The following FAM133A variants were observed in gnomAD, a reference collection of about 807,000 sequenced individuals.
The protein encoded by FAM133A is family with sequence similarity 133 member A.
For missense variants in FAM133A, 159 were observed against 164.4 expected (o/e 0.97, Z 0.18); for synonymous variants, 65 against 58.6 (o/e 1.11, Z -0.50).
At chrX:93,677,152 T>G (rs1924768261) in intron 2 of FAM133A, among the ~76,000 whole-genome samples, 1 of 110,387 alleles carries the variant, frequency 9.1e-6, no homozygotes, top group African/African-American at 3.3e-5. Context: ...TAACATGATT[T>G]TTTGGCGGGG....
chrX:93,682,760 C>T (rs185133855), intron 2 of FAM133A, among the ~76,000 whole-genome samples: 1 of 110,523 alleles, frequency 9.0e-6, no homozygotes, highest in Admixed American at 9.7e-5. Flanking sequence ...GGATTACAGG[C>T]GTTCACCACC....
chrX:93,707,787 A>G (rs1194679667), intron 3 of FAM133A, among the ~76,000 whole-genome samples: 1 of 111,303 alleles, frequency 9.0e-6, no homozygotes, highest in African/African-American at 3.3e-5. Flanking sequence ...CCATCCATCC[A>G]TCCATGCATT....
At chrX:93,675,508 A>G (rs1474263032) in intron 2 of FAM133A, among the ~76,000 whole-genome samples, 1 of 111,295 alleles carries the variant, frequency 9.0e-6, no homozygotes, top group Non-Finnish European at 1.9e-5. Flanking sequence ...CCCCTTAAAT[A>G]CATACTATTT....
rs1927304301 is a variant in FAM133A at position 93,709,866 on chromosome X, A to C, written c.447A>C (p.Ser149=). The change falls in exon 4 of 4, where the codon TCA becomes TCC. Residue 149 remains serine (S), a synonymous_variant. Coordinates refer to ENST00000683942, the MANE Select transcript of FAM133A (RefSeq NM_001171109.2). ...CATCCCAAAGCTCTACGCATGAATC[A>C]GAATCAGAGAGCAAGGAGTCTGTAA... The part of the protein sequence containing the change: ...YKSSQSSTHE[S]ESESKESVKK... 1 of 1,200,187 alleles carries C rather than the reference A, an allele frequency of 8.3e-7. No individual in the cohort carries two copies. The highest frequency in any genetic ancestry group is 2.2e-5 in the Admixed American group (1 of 44,612).
chrX:93,695,442 T>C (rs1471479041), intron 2 of FAM133A, among the ~76,000 whole-genome samples: 17 of 105,341 alleles, frequency 1.6e-4, no homozygotes, highest in Non-Finnish European at 2.0e-5. Context: ...TTAGTAGAGA[T>C]GGGTTTCACC....
rs1225023196 is a variant in FAM133A, at chrX:93,709,959, A to G, written c.540A>G (p.Arg180=). Residue 180 remains arginine (R), a synonymous_variant, in exon 4 of 4, where the codon AGA becomes AGG. Coordinates refer to ENST00000683942, the MANE Select transcript of FAM133A (RefSeq NM_001171109.2). ...EKDVRSLSKK[R]KKSYPDDKPL... is the part of the protein sequence containing the mutation. ...ATGTAAGAAGCCTCAGCAAAAAAAG[A>G]AAGAAAAGTTACCCTGATGATAAAC... The G allele has an allele frequency of 1.7e-6, 2 of 1,189,897 alleles. No homozygotes were observed. Among genetic ancestry groups the G allele is most frequent in the South Asian group, 1.9e-5 (1 of 52,577 alleles).
intron 2 of FAM133A, among the ~76,000 whole-genome samples, chrX:93,694,139 G>A (rs187470689): frequency 2.6e-3 from 285 of 110,697 alleles, no homozygotes; most frequent in African/African-American, 9.0e-3. Flanking sequence ...GCAAAATGCA[G>A]ATGAAAAATG....
At chrX:93,689,890 C>T (rs1200088242) in intron 2 of FAM133A, among the ~76,000 whole-genome samples, 1 of 110,817 alleles carries the variant, frequency 9.0e-6, no homozygotes, top group Admixed American at 9.7e-5. Context: ...GATAAGGAGA[C>T]TGAAAACAAC....
chrX:93,698,658 T>C (rs1926478077), intron 3 of FAM133A, among the ~76,000 whole-genome samples, 173 bp downstream of exon 3: 1 of 111,684 alleles, frequency 9.0e-6, no homozygotes, highest in Admixed American at 9.5e-5. Context: ...TTGTTATGAG[T>C]TCAAGAGAGA....
At chrX:93,683,980 T>C (rs1478879212) in intron 2 of FAM133A, among the ~76,000 whole-genome samples, 1 of 112,094 alleles carries the variant, frequency 8.9e-6, no homozygotes, top group Admixed American at 9.5e-5. Flanking sequence ...ATTGTTTCCT[T>C]TGCTGTGCAT....
At position 93,693,986 on chromosome X, in the gene FAM133A, C is replaced by A. The variant is rs12844931; in HGVS notation, c.-192-4411C>A. ...ACAATAAAACACCTGTATTTTAGACCTTTTACAAAACCCAAGGTATATTTT... is the reference window on the plus strand; with the variant it reads ...ACAATAAAACACCTGTATTTTAGACATTTTACAAAACCCAAGGTATATTTT... On this transcript the variant is annotated intron_variant, in intron 2 of 3. Coordinates refer to ENST00000683942, the MANE Select transcript of FAM133A (RefSeq NM_001171109.2). Among the ~76,000 whole-genome samples, 474 of 109,738 alleles carry A rather than the reference C, an allele frequency of 4.3e-3. 2 individuals are homozygous for A. The highest frequency in any genetic ancestry group is 0.021 in the South Asian group (54 of 2,574).
intron 3 of FAM133A, among the ~76,000 whole-genome samples, chrX:93,702,856 A>AC (rs1926803768): frequency 9.5e-6 from 1 of 104,917 alleles, no homozygotes; most frequent in East Asian, 3.0e-4. Context: ...AAAAAAAAAA[A>AC]AAAAAAAAAA....
intron 2 of FAM133A, among the ~76,000 whole-genome samples, chrX:93,681,630 T>C (rs1173529343): frequency 8.9e-6 from 1 of 111,754 alleles, no homozygotes; most frequent in African/African-American, 3.2e-5. Flanking sequence ...TTGTTGCTTT[T>C]GGTTAAAAAA....
intron 2 of FAM133A, among the ~76,000 whole-genome samples, chrX:93,677,184 A>G (rs956567100): frequency 4.5e-5 from 5 of 110,245 alleles, no homozygotes; most frequent in African/African-American, 1.6e-4. Context: ...TCATGCTTCT[A>G]CATGAGATGA....
intron 2 of FAM133A, among the ~76,000 whole-genome samples, chrX:93,674,958 T>C (rs1054864491): frequency 3.6e-5 from 4 of 111,993 alleles, no homozygotes; most frequent in Non-Finnish European, 7.5e-5. Flanking sequence ...CTAAACCTGG[T>C]CATAGAATAC....
At chrX:93,695,405 C>A (rs1926166454) in intron 2 of FAM133A, among the ~76,000 whole-genome samples, 1 of 109,816 alleles carries the variant, frequency 9.1e-6, no homozygotes, top group South Asian at 3.9e-4. Context: ...AGGCGCGTGC[C>A]ACCACGCCTG....
intron 2 of FAM133A, among the ~76,000 whole-genome samples, chrX:93,698,184 CAAT>C (rs1481632666): frequency 9.0e-6 from 1 of 110,994 alleles, no homozygotes; most frequent in Non-Finnish European, 1.9e-5. Context: ...GAATAAATAA[CAAT>C]AATGTTAAGA....
chrX:93,693,882 T>TTG (rs1926053485), intron 2 of FAM133A, among the ~76,000 whole-genome samples: 1 of 112,015 alleles, frequency 8.9e-6, no homozygotes, highest in Non-Finnish European at 1.9e-5. Context: ...TTCCACAGTG[T>TTG]AAAAGGTTGA....
chrX:93,712,093 C>A lies in FAM133A; in HGVS notation c.*1927C>A, dbSNP rs1927480030. On this transcript the variant is annotated 3_prime_UTR_variant, in exon 4 of 4. Coordinates refer to ENST00000683942, the MANE Select transcript of FAM133A (RefSeq NM_001171109.2). ...CTGTAAAAAGTTCTGCATGACCCTC[C>A]AGTTTTCTTTTGCCTGTCATGGTGA... The A allele has an allele frequency of 8.1e-6, 1 of 122,929 alleles. No homozygotes were observed. The highest frequency in any genetic ancestry group is 3.8e-4 in the South Asian group (1 of 2,665). The allele number at this position is 122,929 out of a possible 1,213,427, so 10.1% of individuals were successfully genotyped here.
Sources: gnomAD v4.1 joint callset for allele counts (sites outside exome capture counted in the v4.1 genomes callset) on GRCh38, gnomAD v4.1.1 for gene constraint, MANE v1.5 for transcripts, NCBI Gene and HGNC (gene_info 2026-07-23, HGNC 2026-07-21) for gene names.